The following OPCML variants were observed in gnomAD, a reference collection of about 807,000 sequenced individuals.
OPCML encodes opioid-binding protein/cell adhesion molecule.
In OPCML, 13 loss-of-function variants were observed where a neutral mutation model predicts 37.8. The observed-to-expected ratio is 0.34, with a 90% CI of 0.22 to 0.55. The LOEUF (loss-of-function observed/expected upper bound fraction) is 0.55, where lower values mean the gene tolerates loss of function less well. OPCML is among the 20% of genes least tolerant of loss of function. The probability of loss-of-function intolerance (pLI) is 0.91; values close to 1 mark genes in which losing one functional copy is unlikely to be tolerated. For synonymous variants in OPCML, 176 were observed against 168.8 expected (o/e 1.04, Z -0.33); for missense variants, 341 against 435.6 (o/e 0.78, Z 1.93).
chr11:133,112,313 G>GAAAAAAAAAAAAAA (rs1565453484), intron 1 of OPCML, among the ~76,000 whole-genome samples: 1 of 66,436 alleles, frequency 1.5e-5, no homozygotes, highest in Non-Finnish European at 3.2e-5. Context: ...AAAAAAAAGG[G>GAAAAAAAAAAAAAA]GAAAGAAACA....
At chr11:133,297,101 A>C (rs1267371746) in intron 1 of OPCML, 1 of 152,166 alleles carries the variant, frequency 6.6e-6, no homozygotes, top group African/African-American at 2.4e-5. Flanking sequence ...GAACTGGCCA[A>C]AGACTTCCTT....
Position 132,793,327 on chromosome 11 carries a change from A to G in OPCML, c.147-136008T>C, listed in dbSNP as rs535709252. On this transcript the variant is annotated intron_variant, in intron 2 of 7. Coordinates refer to ENST00000524381, the MANE Select transcript of OPCML (RefSeq NM_001012393.5). ...AGGTCGGAATCCATCCGCAGAAATT[A>G]CAAGCCCTTTAATTCCAACTCGTAG... Among the ~76,000 whole-genome samples the G allele has an allele frequency of 2.0e-4, 30 of 152,336 alleles. No homozygotes were observed. In the South Asian group the frequency reaches 4.8e-3, roughly 24 times the overall value.
chr11:133,471,362 A>G (rs548257633), intron 1 of OPCML, among the ~76,000 whole-genome samples: 1 of 152,342 alleles, frequency 6.6e-6, no homozygotes, highest in South Asian at 2.1e-4. Flanking sequence ...TCTCCAAGAA[A>G]TGTTGGTAGG....
intron 4 of OPCML, among the ~76,000 whole-genome samples, chr11:132,479,772 C>A (rs1047467369): frequency 2.0e-5 from 3 of 152,172 alleles, no homozygotes; most frequent in Non-Finnish European, 4.4e-5. Context: ...CAGACTGACA[C>A]CTCACAGGGC....
At chr11:132,675,631 G>A (rs187581072) in intron 2 of OPCML, among the ~76,000 whole-genome samples, 1 of 152,110 alleles carries the variant, frequency 6.6e-6, no homozygotes, top group African/African-American at 2.4e-5. Flanking sequence ...AATTAACTGT[G>A]TTTCTATACA....
At chr11:133,223,979 T>C (rs1017007188) in intron 1 of OPCML, among the ~76,000 whole-genome samples, 3 of 152,198 alleles carry the variant, frequency 2.0e-5, no homozygotes, top group African/African-American at 7.2e-5. Flanking sequence ...GCCCTGGTTT[T>C]GGCCCGAGTG....
chr11:132,893,089 G>A (rs772576754), intron 2 of OPCML, among the ~76,000 whole-genome samples: 25 of 152,036 alleles, frequency 1.6e-4, no homozygotes, highest in Non-Finnish European at 2.1e-4. Context: ...TTTTGAAATC[G>A]TCAATCATCT....
chr11:133,421,168 A>G, intron 1 of OPCML: 7 of 985,462 alleles, frequency 7.1e-6, no homozygotes, highest in Non-Finnish European at 8.4e-6. Flanking sequence ...ATTTTAGTAA[A>G]CTGTATAATG....
intron 4 of OPCML, among the ~76,000 whole-genome samples, chr11:132,484,548 C>T (rs1195760371): frequency 1.3e-5 from 2 of 152,164 alleles, no homozygotes; most frequent in Admixed American, 6.5e-5. Flanking sequence ...TACCATTTGA[C>T]CCAGCCATCC....
At chr11:132,500,070 G>A (rs989479195) in intron 4 of OPCML, among the ~76,000 whole-genome samples, 5 of 152,092 alleles carry the variant, frequency 3.3e-5, no homozygotes, top group Non-Finnish European at 4.4e-5. Flanking sequence ...GGATTGAGTC[G>A]GGACACTGAT....
chr11:132,654,006 G>A (rs1941570112), intron 3 of OPCML, among the ~76,000 whole-genome samples: 1 of 152,148 alleles, frequency 6.6e-6, no homozygotes. Flanking sequence ...TTTCTACTCA[G>A]TCAGATAAAT....
At chr11:133,113,621 T>C (rs1949290089) in intron 1 of OPCML, among the ~76,000 whole-genome samples, 1 of 152,228 alleles carries the variant, frequency 6.6e-6, no homozygotes, top group Non-Finnish European at 1.5e-5. Flanking sequence ...TGACCAAAGC[T>C]ACAGCCAAAC....
intron 1 of OPCML, chr11:133,117,954 C>T (rs1300158854): frequency 1.0e-6 from 1 of 984,514 alleles, no homozygotes; most frequent in East Asian, 1.1e-4. Context: ...TGTCCAAGTT[C>T]CCCCATCCTT....
intron 4 of OPCML, among the ~76,000 whole-genome samples, chr11:132,451,239 A>G (rs1193572264): frequency 6.6e-6 from 1 of 152,184 alleles, no homozygotes; most frequent in Non-Finnish European, 1.5e-5. Context: ...TAATTTTTCT[A>G]TCACCAGCAG....
chr11:132,418,147 A>T lies in OPCML; in HGVS notation c.*2046T>A, dbSNP rs892954222. On this transcript the variant is annotated 3_prime_UTR_variant, in exon 8 of 8. Coordinates refer to ENST00000524381, the MANE Select transcript of OPCML (RefSeq NM_001012393.5). ...AAAACAAAGAGGACACTGATACCAG[A>T]GGAAGAAGACCAGTTAAGCATTAAG... The T allele has an allele frequency of 6.6e-6, 1 of 152,228 alleles. No individual in the cohort carries two copies. The highest frequency in any genetic ancestry group is 1.5e-5 in the Non-Finnish European group (1 of 68,042). The allele number at this position is 152,228 out of a possible 1,614,324, so 9.4% of individuals were successfully genotyped here.
intron 2 of OPCML, among the ~76,000 whole-genome samples, chr11:132,670,158 C>T (rs139846022): frequency 1.5e-4 from 23 of 152,268 alleles, no homozygotes; most frequent in Middle Eastern, 3.4e-3. Context: ...TTACTCACGA[C>T]CATGTCTGTC....
intron 2 of OPCML, among the ~76,000 whole-genome samples, chr11:132,878,573 A>T (rs1028814705): frequency 6.6e-6 from 1 of 152,180 alleles, no homozygotes; most frequent in Non-Finnish European, 1.5e-5. Flanking sequence ...CTCGGCTTCC[A>T]TAATCATGTC....
intron 2 of OPCML, among the ~76,000 whole-genome samples, chr11:132,881,565 C>T (rs781162485): frequency 2.0e-5 from 3 of 151,776 alleles, no homozygotes; most frequent in Admixed American, 6.6e-5. Context: ...GTCTACTCTA[C>T]GGTTTTAGGG....
At chr11:133,520,233 C>T (rs1231098015) in intron 1 of OPCML, among the ~76,000 whole-genome samples, 1 of 152,092 alleles carries the variant, frequency 6.6e-6, no homozygotes, top group African/African-American at 2.4e-5. Flanking sequence ...TTCCCAAGTG[C>T]AGTGTGCGTG....
Sources: allele counts gnomAD v4.1 joint callset (sites outside exome capture counted in the v4.1 genomes callset), GRCh38; gene constraint gnomAD v4.1.1; transcripts MANE v1.5; gene names NCBI Gene and HGNC (gene_info 2026-07-23, HGNC 2026-07-21).